Variants in TRHDE observed in about 807,000 individuals in gnomAD.
TRHDE encodes the protein thyrotropin-releasing hormone-degrading ectoenzyme.
TRHDE carries 72 observed loss-of-function variants against 125.7 expected under a neutral mutation model. That is an observed-to-expected ratio of 0.57 (90% CI 0.47 to 0.70). The LOEUF (loss-of-function observed/expected upper bound fraction) is 0.70. Among genes scored for constraint, TRHDE ranks in the 30% least tolerant of loss-of-function variants. TRHDE has a pLI of 0.00. For synonymous variants in TRHDE, 509 were observed against 509.1 expected (o/e 1.00, Z 0.00); for missense variants, 1,110 against 1,327.1 (o/e 0.84, Z 2.54).
intron 2 of TRHDE, among the ~76,000 whole-genome samples, chr12:72,226,164 A>C (rs1878124140): frequency 6.6e-6 from 1 of 152,210 alleles, no homozygotes; most frequent in Non-Finnish European, 1.5e-5. Context: ...TTGTAATCCC[A>C]CGGGTCTTTA....
chr12:72,336,065 T>G (rs1592552603), intron 2 of TRHDE, among the ~76,000 whole-genome samples: 1 of 152,320 alleles, frequency 6.6e-6, no homozygotes, highest in East Asian at 1.9e-4. Context: ...GCATTTATGG[T>G]GAGGCTGGAG....
chr12:72,594,757 T>C (rs1871854945), intron 12 of TRHDE, among the ~76,000 whole-genome samples: 1 of 152,048 alleles, frequency 6.6e-6, no homozygotes, highest in Non-Finnish European at 1.5e-5. Flanking sequence ...AGCCATCCCA[T>C]TACTGGGTAT....
chr12:72,116,813 C>G (rs1875455670), intron 2 of TRHDE, among the ~76,000 whole-genome samples: 1 of 152,068 alleles, frequency 6.6e-6, no homozygotes, highest in African/African-American at 2.4e-5. Context: ...GTTTCTTTAG[C>G]TGTGCAGAAG....
At chr12:72,144,928 T>C (rs1292011339) in intron 2 of TRHDE, among the ~76,000 whole-genome samples, 1 of 152,184 alleles carries the variant, frequency 6.6e-6, no homozygotes, top group Non-Finnish European at 1.5e-5. Flanking sequence ...TTCATGCCTG[T>C]AGCAGAGCTT....
At chr12:72,104,603 C>T (rs541897345) in intron 1 of TRHDE, among the ~76,000 whole-genome samples, 1 of 152,298 alleles carries the variant, frequency 6.6e-6, no homozygotes, top group Admixed American at 6.5e-5. Flanking sequence ...CATGTGTCAG[C>T]AACGAGTCAC....
chr12:72,127,138 CAAT>C (rs1451322002), intron 2 of TRHDE, among the ~76,000 whole-genome samples: 1 of 152,138 alleles, frequency 6.6e-6, no homozygotes, highest in Admixed American at 6.5e-5. Context: ...ATCAAAACCA[CAAT>C]GAGATACTTA....
intron 1 of TRHDE, among the ~76,000 whole-genome samples, chr12:72,088,065 G>A (rs1057088160): frequency 6.6e-6 from 1 of 152,120 alleles, no homozygotes; most frequent in Non-Finnish European, 1.5e-5. Flanking sequence ...GATGGAGAAG[G>A]TTATTTGAGG....
chr12:72,275,557 A>G (rs1174852433), intron 1 of TRHDE, among the ~76,000 whole-genome samples: 1 of 152,248 alleles, frequency 6.6e-6, no homozygotes, highest in Non-Finnish European at 1.5e-5. Context: ...ATGTTTAGGA[A>G]CAAGCTTCTT....
intron 6 of TRHDE, among the ~76,000 whole-genome samples, chr12:72,517,294 A>C (rs1231151323): frequency 2.0e-5 from 3 of 151,232 alleles, no homozygotes; most frequent in African/African-American, 4.9e-5. Context: ...TTGGTTGGTA[A>C]GCTATTGATT....
chr12:72,463,539 A>G (rs1257628602), intron 3 of TRHDE, among the ~76,000 whole-genome samples: 3 of 152,192 alleles, frequency 2.0e-5, no homozygotes, highest in African/African-American at 4.8e-5. Flanking sequence ...CTGAGGTCAC[A>G]TATCAGAGAG....
chr12:72,388,087 A>G (rs1872501835), intron 3 of TRHDE, among the ~76,000 whole-genome samples: 1 of 151,610 alleles, frequency 6.6e-6, no homozygotes, highest in Non-Finnish European at 1.5e-5. Context: ...TTTCAGCTGC[A>G]CTGCATTCCT....
intron 2 of TRHDE, among the ~76,000 whole-genome samples, chr12:72,239,824 C>G (rs923041298): frequency 6.6e-6 from 1 of 152,164 alleles, no homozygotes; most frequent in Non-Finnish European, 1.5e-5. Context: ...TAGATCAAGT[C>G]TGAGGACACA....
At chr12:72,608,345 A>ATACTT (rs1254686246) in intron 12 of TRHDE, among the ~76,000 whole-genome samples, 1 of 152,174 alleles carries the variant, frequency 6.6e-6, no homozygotes, top group Admixed American at 6.5e-5. Flanking sequence ...TAAATTAAAG[A>ATACTT]TACTTTATAT....
intron 2 of TRHDE, among the ~76,000 whole-genome samples, chr12:72,295,334 G>A (rs1204210653): frequency 6.6e-6 from 1 of 152,118 alleles, no homozygotes; most frequent in East Asian, 1.9e-4. Flanking sequence ...CCCTGGCCGC[G>A]CCTCCCTGAT....
chr12:72,143,896 T>A (rs1876170765), intron 2 of TRHDE, among the ~76,000 whole-genome samples: 1 of 152,224 alleles, frequency 6.6e-6, no homozygotes, highest in Admixed American at 6.5e-5. Context: ...GTGTTTTTAC[T>A]AGTTTACTTC....
intron 7 of TRHDE, 137 bp downstream of exon 7, chr12:72,542,493 T>C: frequency 1.7e-6 from 1 of 579,026 alleles, no homozygotes; most frequent in Non-Finnish European, 2.9e-6. Context: ...TCTTTCTATA[T>C]GACAAATGAA....
At chr12:72,597,713 G>GTATA (rs762515309) in intron 12 of TRHDE, among the ~76,000 whole-genome samples, 346 of 18,302 alleles carry the variant, frequency 0.019, 4 homozygotes, top group Non-Finnish European at 0.024. Context: ...GTGTGTGTAT[G>GTATA]TATATATATA....
intron 15 of TRHDE, among the ~76,000 whole-genome samples, chr12:72,627,481 A>G (rs1873308900): frequency 1.3e-5 from 2 of 151,846 alleles, no homozygotes; most frequent in Admixed American, 6.6e-5. Flanking sequence ...AGAAAATGGT[A>G]TGGGCACTTC....
chr12:72,471,381 T>G (rs1443391850), intron 4 of TRHDE, among the ~76,000 whole-genome samples: 1 of 152,222 alleles, frequency 6.6e-6, no homozygotes, highest in Non-Finnish European at 1.5e-5. Context: ...GTTTCCTTTT[T>G]GAATGCTCCT....
Sources: allele counts gnomAD v4.1 joint callset (sites outside exome capture counted in the v4.1 genomes callset), GRCh38; gene constraint gnomAD v4.1.1; transcripts MANE v1.5; gene names NCBI Gene and HGNC (gene_info 2026-07-23, HGNC 2026-07-21).